The following ALK variants were observed in gnomAD, a reference collection of about 807,000 sequenced individuals.
The protein encoded by ALK is ALK receptor tyrosine kinase.
A neutral mutation model predicts 163.1 loss-of-function variants in ALK; 74 were observed. The observed-to-expected ratio is 0.45, with a 90% confidence interval of 0.38 to 0.55. The LOEUF is 0.55. ALK is among the 20% of genes least tolerant of loss of function. ALK has a pLI of 0.00. For missense variants in ALK, 2,063 were observed against 2,105.3 expected (o/e 0.98, Z 0.39); for synonymous variants, 960 against 843.2 (o/e 1.14, Z -2.40).
chr2:29,457,930 A>G (rs765356791), intron 4 of ALK, among the ~76,000 whole-genome samples: 1 of 152,142 alleles, frequency 6.6e-6, no homozygotes, highest in Admixed American at 6.5e-5. Flanking sequence ...GTCTTTCAGC[A>G]TCTTGAAAGT....
chr2:29,899,062 G>A (rs1411593882), intron 1 of ALK, among the ~76,000 whole-genome samples: 1 of 152,094 alleles, frequency 6.6e-6, no homozygotes, highest in Non-Finnish European at 1.5e-5. Flanking sequence ...TCAATGTGTG[G>A]CCCCAGGACC....
At chr2:29,252,482 C>T (rs747804413) in intron 11 of ALK, among the ~76,000 whole-genome samples, 105 of 152,230 alleles carry the variant, frequency 6.9e-4, no homozygotes, top group African/African-American at 2.4e-3. Context: ...AATTTAATTA[C>T]GTAAATGTGA....
intron 5 of ALK, among the ~76,000 whole-genome samples, chr2:29,338,368 C>CATA (rs914714708): frequency 4.0e-4 from 61 of 152,194 alleles, no homozygotes; most frequent in Non-Finnish European, 6.9e-4. Context: ...CTAATCTTAC[C>CATA]ATAAACCTTT....
chr2:29,728,498 A>G (rs556809280), intron 1 of ALK, among the ~76,000 whole-genome samples: 1 of 152,154 alleles, frequency 6.6e-6, no homozygotes, highest in Non-Finnish European at 1.5e-5. Context: ...CCATCCAACA[A>G]CCTCTCAAGT....
chr2:29,531,125 A>T lies in ALK; in HGVS notation c.1154+790T>A, dbSNP rs185266782. The stretch of plus-strand genomic sequence containing the variant: ...AAGGTATTCTCTTAGAAGGAAGCCA[A>T]GTCTAAGCATAGCTAGACAGTTGGG... On this transcript the variant is annotated intron_variant, in intron 4 of 28. Coordinates refer to ENST00000389048, the MANE Select transcript of ALK (RefSeq NM_004304.5). Among the ~76,000 whole-genome samples, 35 of 152,342 alleles carry T rather than the reference A, an allele frequency of 2.3e-4. No individual in the cohort carries two copies. In the East Asian group the frequency reaches 6.6e-3, roughly 29 times the overall value.
chr2:29,617,858 C>T (rs781188421), intron 3 of ALK, among the ~76,000 whole-genome samples: 12 of 152,222 alleles, frequency 7.9e-5, no homozygotes, highest in Non-Finnish European at 1.6e-4. Flanking sequence ...CATCTTTCCT[C>T]TCTCCCAGGG....
At chr2:29,290,618 T>C (rs1160901840) in intron 9 of ALK, among the ~76,000 whole-genome samples, 1 of 152,150 alleles carries the variant, frequency 6.6e-6, no homozygotes, top group Non-Finnish European at 1.5e-5. Flanking sequence ...GTGGCTGGGG[T>C]CTCCTGTTGA....
intron 4 of ALK, among the ~76,000 whole-genome samples, chr2:29,474,902 C>A (rs1364536888): frequency 6.6e-6 from 1 of 152,254 alleles, no homozygotes; most frequent in East Asian, 1.9e-4. Context: ...TACTGCGAGG[C>A]CTTTGCTGGA....
At chr2:29,638,528 G>T (rs1301985190) in intron 3 of ALK, among the ~76,000 whole-genome samples, 3 of 151,424 alleles carry the variant, frequency 2.0e-5, no homozygotes, top group Non-Finnish European at 4.4e-5. Flanking sequence ...GTGGGGGTGG[G>T]GGGAGATGGA....
chr2:29,347,398 C>G (rs532430682), intron 5 of ALK, among the ~76,000 whole-genome samples: 5 of 152,280 alleles, frequency 3.3e-5, no homozygotes, highest in Non-Finnish European at 5.9e-5. Flanking sequence ...TGGAGGAACA[C>G]TGCACAGGAC....
intron 3 of ALK, among the ~76,000 whole-genome samples, chr2:29,677,181 G>T (rs1265853306): frequency 5.4e-5 from 8 of 147,728 alleles, no homozygotes; most frequent in African/African-American, 2.0e-4. Context: ...GCATGTTTTT[G>T]GTTCTCTCCC....
intron 4 of ALK, among the ~76,000 whole-genome samples, chr2:29,514,765 C>G (rs1394866925): frequency 2.0e-5 from 3 of 152,202 alleles, no homozygotes; most frequent in Non-Finnish European, 4.4e-5. Flanking sequence ...CAACCCATCA[C>G]TAATCCTGCC....
intron 9 of ALK, among the ~76,000 whole-genome samples, chr2:29,283,863 T>C (rs1665778032): frequency 6.6e-6 from 1 of 152,170 alleles, no homozygotes; most frequent in African/African-American, 2.4e-5. Flanking sequence ...CCCTCTTTCT[T>C]TGAGCAGAGA....
rs530214481 is a variant in ALK at position 29,761,924 on chromosome 2, A to C, written c.668-44227T>G. On this transcript the variant is annotated intron_variant, in intron 1 of 28. Coordinates refer to ENST00000389048, the MANE Select transcript of ALK (RefSeq NM_004304.5). ...TTAGATGGTTTATTTAAAAATCAGAAAGCATTCACCTCTATTCAAAAATGG... is the reference window on the plus strand; with the variant it reads ...TTAGATGGTTTATTTAAAAATCAGACAGCATTCACCTCTATTCAAAAATGG... Among the ~76,000 whole-genome samples the C allele has an allele frequency of 1.8e-4, 27 of 152,354 alleles. No individual in the cohort carries two copies. In the South Asian group the frequency reaches 5.6e-3, roughly 32 times the overall value.
chr2:29,846,719 G>C (rs964650685), intron 1 of ALK, among the ~76,000 whole-genome samples: 1 of 152,164 alleles, frequency 6.6e-6, no homozygotes, highest in Non-Finnish European at 1.5e-5. Flanking sequence ...TTCCTTACTG[G>C]ATAACTGCTA....
intron 1 of ALK, among the ~76,000 whole-genome samples, chr2:29,797,178 G>A (rs1664340151): frequency 6.6e-6 from 1 of 152,046 alleles, no homozygotes; most frequent in Non-Finnish European, 1.5e-5. Context: ...AAAAACAAAT[G>A]AAGTTTAGCA....
At chr2:29,873,103 T>C (rs1666618946) in intron 1 of ALK, among the ~76,000 whole-genome samples, 1 of 152,248 alleles carries the variant, frequency 6.6e-6, no homozygotes, top group African/African-American at 2.4e-5. Context: ...TCAGGGGCAC[T>C]GGTGGTATCC....
chr2:29,367,283 C>T (rs10188930), intron 5 of ALK, among the ~76,000 whole-genome samples: 6,612 of 152,140 alleles, frequency 0.043, 173 homozygotes, highest in African/African-American at 0.054. Context: ...ACTTTAAAGT[C>T]ATTTTCTAAT....
At chr2:29,342,943 C>T (rs913916811) in intron 5 of ALK, among the ~76,000 whole-genome samples, 6 of 133,284 alleles carry the variant, frequency 4.5e-5, no homozygotes, top group South Asian at 2.4e-4. Context: ...AGTGCAGTGG[C>T]GCGATCTCTG....
Sources: allele counts gnomAD v4.1 joint callset (sites outside exome capture counted in the v4.1 genomes callset), GRCh38; gene constraint gnomAD v4.1.1; transcripts MANE v1.5; gene names NCBI Gene and HGNC (gene_info 2026-07-23, HGNC 2026-07-21).